ZNF578: variants seen among roughly 807,000 people sequenced by gnomAD.
The protein encoded by ZNF578 is Putative chemokine-related protein B42.
Under a neutral mutation model 8.3 loss-of-function variants are expected in ZNF578, and 8 were observed. The observed-to-expected ratio is 0.96, with a 90% confidence interval of 0.56 to 1.74. The LOEUF (loss-of-function observed/expected upper bound fraction) is 1.74, where lower values mean the gene tolerates loss of function less well. ZNF578 is among the 40% of genes most tolerant of loss of function. ZNF578 has a pLI of 0.00. For synonymous variants in ZNF578, 206 were observed against 232.2 expected (o/e 0.89, Z 1.03); for missense variants, 726 against 707.5 (o/e 1.03, Z -0.30).
intron 2 of ZNF578, among the ~76,000 whole-genome samples, chr19:52,486,038 C>T (rs1599897535): frequency 6.6e-6 from 1 of 152,200 alleles, no homozygotes; most frequent in South Asian, 2.1e-4. Flanking sequence ...GTCTCCTGCT[C>T]ATCCCTGGGC....
At chr19:52,466,347 G>A (rs115853801) in intron 2 of ZNF578, among the ~76,000 whole-genome samples, 2,147 of 152,296 alleles carry the variant, frequency 0.014, 50 homozygotes, top group African/African-American at 0.048. Context: ...AATGTTTACA[G>A]ATAAGAGAGC....
intron 2 of ZNF578, among the ~76,000 whole-genome samples, chr19:52,462,735 T>C (rs890338077): frequency 5.3e-5 from 8 of 152,066 alleles, no homozygotes; most frequent in African/African-American, 1.9e-4. Flanking sequence ...GCCATCAAGG[T>C]GTGCTTGGGG....
intron 2 of ZNF578, chr19:52,473,658 C>G: frequency 4.8e-6 from 1 of 208,086 alleles, no homozygotes; most frequent in Non-Finnish European, 9.6e-6. Context: ...TTATGTCTCT[C>G]TCCAGTATGA....
intron 2 of ZNF578, among the ~76,000 whole-genome samples, chr19:52,488,237 C>T (rs1282517354): frequency 3.9e-5 from 6 of 152,006 alleles, no homozygotes; most frequent in African/African-American, 1.4e-4. Flanking sequence ...AGGCATGAGC[C>T]ACCATGCCCA....
chr19:52,484,085 G>A (rs1225753194), intron 2 of ZNF578, among the ~76,000 whole-genome samples: 1 of 152,174 alleles, frequency 6.6e-6, no homozygotes, highest in Non-Finnish European at 1.5e-5. Context: ...TAGGGTAATA[G>A]TAGAGAGGTC....
intron 2 of ZNF578, among the ~76,000 whole-genome samples, chr19:52,475,918 T>C (rs533715552): frequency 1.3e-5 from 2 of 152,328 alleles, no homozygotes; most frequent in South Asian, 2.1e-4. Context: ...TAATGAATGA[T>C]GTAAGCAGTA....
In ZNF578 at chr19:52,504,771, G is replaced by A. The variant is rs1477162977; in HGVS notation, c.180G>A (p.Leu60=). ...TGATGTTGGAGAACTACAGGAACCT[G>A]GAGGCTGTGGGTGAGGAAAATGTCC... is the stretch of plus-strand genomic sequence containing the variant. ...REVMLENYRN[L]EAVDISSKRM... is the part of the protein sequence containing the mutation. Residue 60 remains leucine, a synonymous_variant, in exon 5 of 6, where the codon CTG becomes CTA. Transcript: ENST00000421239. 6.2e-7 allele frequency: 1 copy of A among 1,614,122 alleles called. No individual in the cohort carries two copies. The highest frequency in any genetic ancestry group is 2.2e-5 in the East Asian group (1 of 44,876).
At chr19:52,470,935 T>A (rs1355388729) in intron 2 of ZNF578, among the ~76,000 whole-genome samples, 1 of 152,146 alleles carries the variant, frequency 6.6e-6, no homozygotes, top group Non-Finnish European at 1.5e-5. Context: ...TGGAGGGCAT[T>A]TCATGTGGTT....
At chr19:52,496,926 C>T (rs761355050) in intron 3 of ZNF578, among the ~76,000 whole-genome samples, 4 of 151,736 alleles carry the variant, frequency 2.6e-5, no homozygotes, top group South Asian at 4.2e-4. Context: ...CATGAGCCGC[C>T]GCGCCCAGCC....
rs35788845 is a variant in ZNF578 at position 52,514,962 on chromosome 19, C to CTTTTTTT, written c.*2820_*2826dup. ...AGGCATGAGCTACCACGTCGAGACT[C>CTTTTTTT]TTTTTTTTTTTTTTTTTTAGATGGA... is the stretch of plus-strand genomic sequence containing the variant. On this transcript the variant is annotated 3_prime_UTR_variant, in exon 6 of 6. Coordinates refer to ENST00000421239, the MANE Select transcript of ZNF578 (RefSeq NM_001099694.2). 3.3e-5 allele frequency among the ~76,000 whole-genome samples: 4 copies of CTTTTTTT among 122,924 alleles called. No individual in the cohort carries two copies. The highest frequency in any genetic ancestry group is 1.2e-4 in the African/African-American group (4 of 32,200). 80.6% of individuals were successfully genotyped at this position (122,924 alleles called of 152,430 possible).
At chr19:52,504,339 C>A (rs1380634629) in intron 4 of ZNF578, among the ~76,000 whole-genome samples, 3 of 152,142 alleles carry the variant, frequency 2.0e-5, no homozygotes, top group Non-Finnish European at 2.9e-5. Flanking sequence ...AATCTGCCCA[C>A]CTTGGCCTCC....
At chr19:52,474,255 G>T in intron 2 of ZNF578, 1 of 305,494 alleles carries the variant, frequency 3.3e-6, no homozygotes, top group South Asian at 3.1e-5. Context: ...TCTCCAGTAT[G>T]AATTCTTCGA....
rs746873694 is a variant in ZNF578 at position 52,512,133 on chromosome 19, C to G, written c.1752C>G (p.Ile584Met). ...KAHNHLIDSS[I>M]KPCMSS ...ACAATCACTTGATTGATTCATCAATCAAGCCTTGCATGTCATCATAGACTT... is the reference window on the plus strand; with the variant it reads ...ACAATCACTTGATTGATTCATCAATGAAGCCTTGCATGTCATCATAGACTT... Residue 584 changes from isoleucine (I) to methionine (M), a missense_variant, in exon 6 of 6, where the codon ATC becomes ATG. Ile to Met is a conservative substitution (Grantham distance 10). Transcript: ENST00000421239. The G allele has an allele frequency of 3.1e-6, 5 of 1,613,704 alleles. No homozygotes were observed. The highest frequency in any genetic ancestry group is 3.4e-6 in the Non-Finnish European group (4 of 1,179,866).
At chr19:52,505,018 G>A (rs2059420657) in intron 5 of ZNF578, among the ~76,000 whole-genome samples, 1 of 152,128 alleles carries the variant, frequency 6.6e-6, no homozygotes, top group South Asian at 2.1e-4. Context: ...CTCCCGAGGG[G>A]CTGGGATTAT....
rs1334459797 is a variant in ZNF578, at chr19:52,514,961, TC to T, written c.*2808del. ...CAGGCATGAGCTACCACGTCGAGAC[TC>T]TTTTTTTTTTTTTTTTTTAGATGGA... On this transcript the variant is annotated 3_prime_UTR_variant, in exon 6 of 6. Coordinates refer to ENST00000421239, the MANE Select transcript of ZNF578 (RefSeq NM_001099694.2). 2.6e-5 allele frequency among the ~76,000 whole-genome samples: 3 copies of T among 113,634 alleles called. No homozygotes were observed. The highest frequency in any genetic ancestry group is 3.6e-5 in the Non-Finnish European group (2 of 54,842). 74.5% of individuals were successfully genotyped at this position (113,634 alleles called of 152,430 possible).
intron 2 of ZNF578, among the ~76,000 whole-genome samples, chr19:52,479,996 G>A (rs771597464): frequency 3.3e-5 from 5 of 152,068 alleles, no homozygotes; most frequent in Non-Finnish European, 7.4e-5. Flanking sequence ...TGCAAGCTCC[G>A]CCTCCCGGGT....
At chr19:52,496,919 G>A (rs776166746) in intron 3 of ZNF578, among the ~76,000 whole-genome samples, 3 of 151,356 alleles carry the variant, frequency 2.0e-5, no homozygotes, top group Non-Finnish European at 3.0e-5. Context: ...TTACAGGCAT[G>A]AGCCGCCGCG....
rs1430789590 is a variant in ZNF578, at chr19:52,514,745, C to G, written c.*2591C>G. 2.0e-5 allele frequency among the ~76,000 whole-genome samples: 3 copies of G among 151,930 alleles called. No homozygotes were observed. Among genetic ancestry groups the G allele is most frequent in the Admixed American group, 6.6e-5 (1 of 15,244 alleles). On this transcript the variant is annotated 3_prime_UTR_variant, in exon 6 of 6. Coordinates refer to ENST00000421239, the MANE Select transcript of ZNF578 (RefSeq NM_001099694.2). ...TGGTGCGATCTCAGCTCACTGCAACCTCTACCTCCTTGGATCAAGTGATGC... is the reference window on the plus strand; with the variant it reads ...TGGTGCGATCTCAGCTCACTGCAACGTCTACCTCCTTGGATCAAGTGATGC...
At chr19:52,498,336 T>G (rs1415371745) in intron 3 of ZNF578, among the ~76,000 whole-genome samples, 7 of 145,772 alleles carry the variant, frequency 4.8e-5, no homozygotes, top group Non-Finnish European at 6.0e-5. Flanking sequence ...TGTGTTTTTT[T>G]TTTTTTTTTT....
Sources: allele counts gnomAD v4.1 joint callset (sites outside exome capture counted in the v4.1 genomes callset), GRCh38; gene constraint gnomAD v4.1.1; transcripts MANE v1.5; gene names NCBI Gene and HGNC (gene_info 2026-07-23, HGNC 2026-07-21).